FAM13C: variants seen among roughly 807,000 people sequenced by gnomAD.
The protein encoded by FAM13C is family with sequence similarity 13 member C, also known as protein FAM13C.
Under a neutral mutation model 73.2 loss-of-function variants are expected in FAM13C, and 37 were observed. The ratio of observed to expected loss-of-function variants is 0.51; its 90% CI spans 0.39 to 0.67. The LOEUF is 0.67. FAM13C is among the 30% of genes least tolerant of loss of function. The pLI is 0.00. For missense variants in FAM13C, 589 were observed against 715.6 expected (o/e 0.82, Z 2.02); for synonymous variants, 246 against 260.9 (o/e 0.94, Z 0.55).
intron 11 of FAM13C, chr10:59,254,140 C>T (rs568007076): frequency 7.5e-6 from 3 of 397,916 alleles, no homozygotes; most frequent in Admixed American, 4.4e-5. Context: ...GCTATATGTT[C>T]CTATTTTACA....
intron 3 of FAM13C, among the ~76,000 whole-genome samples, chr10:59,341,272 A>G (rs772827299): frequency 8.5e-5 from 13 of 152,156 alleles, no homozygotes; most frequent in Non-Finnish European, 1.6e-4. Context: ...CTGACACCAG[A>G]ATGACCTTTC....
Position 59,254,452 on chromosome 10 carries a change from C to A in FAM13C, c.1237-9G>T. 3 of 1,446,138 alleles carry A rather than the reference C, an allele frequency of 2.1e-6. No homozygotes were observed. In the African/African-American group the frequency reaches 4.3e-5, roughly 21 times the overall value. 89.6% of individuals were successfully genotyped at this position (1,446,138 alleles called of 1,614,324 possible). ...TTGTCTTGCTTAGTTACCTGAAAAA[C>A]ATGAAATTAATTATTATTCCTCTCT... On this transcript the variant is annotated splice_polypyrimidine_tract_variant and intron_variant, in intron 10 of 13. Transcript: ENST00000618804.
At chr10:59,352,764 T>G (rs527396705) in intron 2 of FAM13C, among the ~76,000 whole-genome samples, 13 of 152,344 alleles carry the variant, frequency 8.5e-5, no homozygotes, top group African/African-American at 3.1e-4. Flanking sequence ...TTAAGAAACT[T>G]TCACATATAT....
chr10:59,316,264 CA>C (rs1420167647), intron 4 of FAM13C, among the ~76,000 whole-genome samples: 2 of 152,108 alleles, frequency 1.3e-5, no homozygotes, highest in Non-Finnish European at 2.9e-5. Context: ...TCTTAAGTTT[CA>C]TTACAGTTAG....
At chr10:59,278,833 T>TACACAC (rs3078283) in intron 6 of FAM13C, among the ~76,000 whole-genome samples, 16 of 147,814 alleles carry the variant, frequency 1.1e-4, no homozygotes, top group East Asian at 2.0e-4. Context: ...CACATACACA[T>TACACAC]ACACACACAC....
intron 6 of FAM13C, among the ~76,000 whole-genome samples, chr10:59,271,027 G>T (rs902051036): frequency 9.2e-5 from 14 of 152,176 alleles, no homozygotes; most frequent in African/African-American, 3.1e-4. Flanking sequence ...CAGCAGCAGG[G>T]GATCAGATCA....
intron 3 of FAM13C, 82 bp downstream of exon 3, chr10:59,352,188 G>A (rs1855134485): frequency 8.0e-6 from 12 of 1,500,262 alleles, no homozygotes; most frequent in Admixed American, 1.7e-5. Flanking sequence ...AAAACAGTGC[G>A]CTCAAATCGT....
intron 10 of FAM13C, among the ~76,000 whole-genome samples, chr10:59,260,239 T>G (rs1388155110): frequency 6.6e-6 from 1 of 152,148 alleles, no homozygotes; most frequent in Non-Finnish European, 1.5e-5. Context: ...CTGTGATGTA[T>G]CCTCCACTTA....
chr10:59,343,946 T>C (rs1853867041), intron 3 of FAM13C, among the ~76,000 whole-genome samples: 1 of 151,802 alleles, frequency 6.6e-6, no homozygotes, highest in Admixed American at 6.5e-5. Flanking sequence ...CTATAAACTA[T>C]TTCTTTTTTT....
chr10:59,270,597 A>C (rs752465410), intron 6 of FAM13C, among the ~76,000 whole-genome samples: 6 of 152,188 alleles, frequency 3.9e-5, no homozygotes, highest in Non-Finnish European at 8.8e-5. Context: ...CCCCAGAAAG[A>C]AAATTATTCA....
chr10:59,260,290 C>T (rs1348000805), intron 10 of FAM13C, among the ~76,000 whole-genome samples: 1 of 152,170 alleles, frequency 6.6e-6, no homozygotes, highest in East Asian at 1.9e-4. Context: ...CGTCATGTCA[C>T]TTTTCTGCTC....
chr10:59,251,039 AC>A, intron 13 of FAM13C: 1 of 153,952 alleles, frequency 6.5e-6, no homozygotes, highest in Non-Finnish European at 1.4e-5. Context: ...TTGGGTTGAC[AC>A]AGAAAAATAG....
chr10:59,359,176 T>C (rs1273832445), intron 1 of FAM13C, among the ~76,000 whole-genome samples: 1 of 152,222 alleles, frequency 6.6e-6, no homozygotes, highest in Admixed American at 6.5e-5. Context: ...AGCCTGAGAA[T>C]GCTCCAAGGT....
At chr10:59,264,305 A>G (rs939897046) in intron 8 of FAM13C, 139 bp from the exon 9 acceptor site, 1 of 626,862 alleles carries the variant, frequency 1.6e-6, no homozygotes, top group African/African-American at 1.8e-5. Context: ...AAGCTGGGAG[A>G]GAAATTCGGG....
intron 10 of FAM13C, among the ~76,000 whole-genome samples, chr10:59,261,623 G>A (rs1440055914): frequency 6.6e-6 from 1 of 152,100 alleles, no homozygotes; most frequent in East Asian, 1.9e-4. Flanking sequence ...AGTTCAAGAT[G>A]TAGTACAAGA....
chr10:59,321,432 CTTTTTTTTTTTT>C lies in FAM13C; in HGVS notation c.443+2544_443+2555del, dbSNP rs1057110939. On this transcript the variant is annotated intron_variant, in intron 4 of 13. Coordinates refer to ENST00000618804, the MANE Select transcript of FAM13C (RefSeq NM_198215.4). ...GAAAGGAATGGAGCCCTGCCAACAC[CTTTTTTTTTTTT>C]TTTTTTTTTTTTTTTGGCCCAGGGA... Among the ~76,000 whole-genome samples the C allele has an allele frequency of 1.7e-4, 10 of 58,096 alleles. No individual in the cohort carries two copies. In the East Asian group the frequency reaches 2.1e-3, roughly 12 times the overall value. The allele number at this position is 58,096 out of a possible 152,430, so 38.1% of individuals were successfully genotyped here. A position where few individuals can be genotyped will look rare whatever the true frequency, so the allele number is the denominator to read the frequency against.
chr10:59,332,132 A>G (rs1852073010), intron 3 of FAM13C, among the ~76,000 whole-genome samples: 1 of 152,192 alleles, frequency 6.6e-6, no homozygotes. Context: ...CAATATTTAC[A>G]GCACTGATGG....
At chr10:59,312,638 C>A (rs1377671876) in intron 4 of FAM13C, among the ~76,000 whole-genome samples, 1 of 152,162 alleles carries the variant, frequency 6.6e-6, no homozygotes, top group Non-Finnish European at 1.5e-5. Flanking sequence ...TGCAGCGTGT[C>A]CACCACCAAC....
chr10:59,306,824 A>C (rs1359032642), intron 4 of FAM13C, among the ~76,000 whole-genome samples: 1 of 152,228 alleles, frequency 6.6e-6, no homozygotes, highest in Admixed American at 6.5e-5. Context: ...CAGTGAGCTG[A>C]GATCGTGCCA....
Sources: gnomAD v4.1 joint callset for allele counts (sites outside exome capture counted in the v4.1 genomes callset) on GRCh38, gnomAD v4.1.1 for gene constraint, MANE v1.5 for transcripts, NCBI Gene and HGNC (gene_info 2026-07-23, HGNC 2026-07-21) for gene names.